The following CEP164 variants were observed in gnomAD, a reference collection of about 807,000 sequenced individuals.
CEP164 encodes the protein centrosomal protein 164, also known as centrosomal protein of 164 kDa.
A neutral mutation model predicts 182.7 loss-of-function variants in CEP164; 162 were observed. That is an observed-to-expected ratio of 0.89 (90% CI 0.78 to 1.01). The LOEUF (loss-of-function observed/expected upper bound fraction) is 1.01, where lower values mean the gene tolerates loss of function less well. CEP164 is among the 50% of genes least tolerant of loss of function. The pLI is 0.00. For synonymous variants in CEP164, 661 were observed against 690.0 expected, an observed-to-expected ratio of 0.96 and a Z score of 0.66; for missense variants, 1,735 against 1,790.4, an observed-to-expected ratio of 0.97 and a Z score of 0.56.
At position 117,390,912 on chromosome 11, in the gene CEP164, A is replaced by G. The variant is rs577854690; in HGVS notation, c.2066+4A>G. 1.3e-5 allele frequency: 21 copies of G among 1,613,836 alleles called. No homozygotes were observed. The South Asian group carries it at 2.3e-4, about 18-fold the overall frequency. On this transcript the variant is annotated splice_donor_region_variant and intron_variant, in intron 16 of 32. Coordinates refer to ENST00000278935, the MANE Select transcript of CEP164 (RefSeq NM_014956.5). ...AAGCAGATGAGGACCAAATCAGGTAAGTGTGTGCTTACCTGTGAGCTGCCC... is the reference window on the plus strand; with the variant it reads ...AAGCAGATGAGGACCAAATCAGGTAGGTGTGTGCTTACCTGTGAGCTGCCC...
At chr11:117,380,562 G>A in intron 11 of CEP164, 52 bp from the exon 12 acceptor site, 1 of 1,465,880 alleles carries the variant, frequency 6.8e-7, no homozygotes, top group Non-Finnish European at 9.4e-7. Flanking sequence ...AGGATGGAGG[G>A]ACCCAAATGC....
chr11:117,408,203 G>A (rs1375094058), intron 28 of CEP164, among the ~76,000 whole-genome samples, 171 bp downstream of exon 28: 3 of 152,202 alleles, frequency 2.0e-5, no homozygotes, highest in Non-Finnish European at 2.9e-5. Flanking sequence ...TCAATTCTGA[G>A]TTTGTTGAAG....
intron 18 of CEP164, 28 bp downstream of exon 18, chr11:117,392,331 C>T (rs1247837180): frequency 6.2e-7 from 1 of 1,600,972 alleles, no homozygotes; most frequent in Admixed American, 1.7e-5. Flanking sequence ...GGGCCCCCTT[C>T]ATGGCTGATT....
chr11:117,390,063 C>T (rs1262026886), intron 15 of CEP164, among the ~76,000 whole-genome samples: 1 of 151,388 alleles, frequency 6.6e-6, no homozygotes, highest in African/African-American at 2.4e-5. Flanking sequence ...CTGTCTCAGC[C>T]TCCCAAGTAG....
chr11:117,352,907 A>G (rs1209175862), intron 5 of CEP164, among the ~76,000 whole-genome samples: 9 of 152,204 alleles, frequency 5.9e-5, no homozygotes, highest in Non-Finnish European at 8.8e-5. Context: ...GGTTATAAGT[A>G]GCTTTTGTAT....
rs72255760 is a variant in CEP164, at chr11:117,363,759, CTTTTTT to C, written c.765+276_765+281del. Reference sequence around the variant, plus strand: ...ATTGTAATACCTAAAACCTCCAATGCTTTTTTTTTTTTTTTTTTTTTTTTTTTTAAG... The same window carrying C: ...ATTGTAATACCTAAAACCTCCAATGCTTTTTTTTTTTTTTTTTTTTTTAAG... On this transcript the variant is annotated intron_variant, in intron 8 of 32. Coordinates refer to ENST00000278935, the MANE Select transcript of CEP164 (RefSeq NM_014956.5). Among the ~76,000 whole-genome samples, 73 of 58,436 alleles carry C rather than the reference CTTTTTT, an allele frequency of 1.2e-3. 1 individual carries two copies. The highest frequency in any genetic ancestry group is 1.7e-3 in the Non-Finnish European group (54 of 32,072). The allele number at this position is 58,436 out of a possible 152,430, so 38.3% of individuals were successfully genotyped here.
chr11:117,409,235 T>C lies in CEP164; in HGVS notation c.3748+207T>C. The C allele has an allele frequency of 1.5e-6, 1 of 668,624 alleles. No individual in the cohort carries two copies. Among genetic ancestry groups the C allele is most frequent in the Non-Finnish European group, 2.5e-6 (1 of 397,548 alleles). The allele number at this position is 668,624 out of a possible 1,614,324, so 41.4% of individuals were successfully genotyped here. On this transcript the variant is annotated intron_variant, in intron 29 of 32. Coordinates refer to ENST00000278935, the MANE Select transcript of CEP164 (RefSeq NM_014956.5). The surrounding 1 kb of genome is among the most constrained non-coding windows in gnomAD (Gnocchi z 4.4). ...GGGCTGAAAGGTCAGGGAAGCCCTC[T>C]GAATGCTGCAGAGCACTCTACGGTG...
chr11:117,395,137 G>A lies in CEP164; in HGVS notation c.2859G>A (p.Arg953=), dbSNP rs376504687. ...ALLEVQEETA[R]REKQQLLDVQ... ...TTCCCTGCAAGGAGGAGACCGCCCG[G>A]AGGGAGAAGCAGCAGCTGCTTGATG... The change falls in exon 23 of 33, where the codon CGG becomes CGA. Residue 953 remains arginine (R), a synonymous_variant. Transcript: ENST00000278935. The A allele has an allele frequency of 1.2e-6, 2 of 1,614,068 alleles. No homozygotes were observed. The highest frequency in any genetic ancestry group is 2.7e-5 in the African/African-American group (2 of 74,936).
At chr11:117,403,500 G>C (rs1202353387) in intron 27 of CEP164, among the ~76,000 whole-genome samples, 2 of 152,210 alleles carry the variant, frequency 1.3e-5, no homozygotes, top group African/African-American at 4.8e-5. Flanking sequence ...CTTCTAGCTT[G>C]TAGGGTTTCT....
intron 5 of CEP164, among the ~76,000 whole-genome samples, chr11:117,354,053 G>A (rs1405677409): frequency 6.9e-6 from 1 of 145,816 alleles, no homozygotes; most frequent in African/African-American, 2.6e-5. Flanking sequence ...ATCTTGCTTT[G>A]TTGCCCAGGC....
intron 15 of CEP164, among the ~76,000 whole-genome samples, chr11:117,388,802 C>G (rs1463905523): frequency 2.0e-5 from 3 of 149,454 alleles, no homozygotes; most frequent in East Asian, 3.9e-4. Context: ...GAGTCTTGCT[C>G]TGTCGCCCAG....
intron 15 of CEP164, among the ~76,000 whole-genome samples, chr11:117,390,149 G>A (rs1038050116): frequency 6.6e-6 from 1 of 151,300 alleles, no homozygotes; most frequent in Non-Finnish European, 1.5e-5. Context: ...CGCCATTATG[G>A]CCAGGCTGGT....
In CEP164 at chr11:117,344,193, G is replaced by A. The variant is rs572063812; in HGVS notation, c.110G>A (p.Gly37Asp). The A allele has an allele frequency of 6.2e-7, 1 of 1,613,242 alleles. No homozygotes were observed. Among genetic ancestry groups the A allele is most frequent in the African/African-American group, 1.3e-5 (1 of 75,014 alleles). The stretch of plus-strand genomic sequence containing the variant: ...ATTCTTGAATTTGCCCGGGAGATTG[G>A]TATTGATCCCATCAAGGAACCAGAA... ...QEILEFAREI[G>D]IDPIKEPELM... Residue 37 changes from glycine to aspartate, a missense_variant, in exon 4 of 33, where the codon GGT (glycine) becomes GAT (aspartate). Physicochemically the swap from Gly to Asp is moderately conservative, Grantham distance 94. Coordinates refer to ENST00000278935, the MANE Select transcript of CEP164 (RefSeq NM_014956.5).
rs554944670 is a variant in CEP164 at position 117,353,420 on chromosome 11, C to T, written c.393+1432C>T. ...ATGTGTTTGAATGGCAAAAGGTGGCCACAGGGCTTTTCATGGACCCAGGAT... is the reference window on the plus strand; with the variant it reads ...ATGTGTTTGAATGGCAAAAGGTGGCTACAGGGCTTTTCATGGACCCAGGAT... On this transcript the variant is annotated intron_variant, in intron 5 of 32. Transcript: ENST00000278935. 9.1e-4 allele frequency among the ~76,000 whole-genome samples: 138 copies of T among 152,244 alleles called. 1 individual carries two copies. Among genetic ancestry groups the T allele is most frequent in the Admixed American group, 8.8e-3 (135 of 15,286 alleles).
chr11:117,364,026 A>G (rs1370730750), intron 8 of CEP164: 1 of 152,202 alleles, frequency 6.6e-6, no homozygotes, highest in East Asian at 1.9e-4. Context: ...TTGGTCTCCC[A>G]AAGTGCTGGA....
Position 117,373,364 on chromosome 11 carries a change from A to C in CEP164, c.1153-387A>C, listed in dbSNP as rs932299769. Among the ~76,000 whole-genome samples the C allele has an allele frequency of 2.8e-5, 4 of 142,272 alleles. No individual in the cohort carries two copies. The South Asian group carries it at 9.0e-4, about 32-fold the overall frequency. The allele number at this position is 142,272 out of a possible 152,430, so 93.3% of individuals were successfully genotyped here. On this transcript the variant is annotated intron_variant, in intron 9 of 32. Coordinates refer to ENST00000278935, the MANE Select transcript of CEP164 (RefSeq NM_014956.5). ...GGGACAGAGCGAGACTCCATCTCGG[A>C]AAAAAAAAAAAAGAGCTTTTATCTA... is the stretch of plus-strand genomic sequence containing the variant.
rs2042447087 is a variant in CEP164, at chr11:117,373,669, G to GT, written c.1153-82_1153-81insT. 3 of 1,251,956 alleles carry GT rather than the reference G, an allele frequency of 2.4e-6. No homozygotes were observed. The Admixed American group carries it at 5.2e-5, about 22-fold the overall frequency. 77.6% of individuals were successfully genotyped at this position (1,251,956 alleles called of 1,614,324 possible). A position where few individuals can be genotyped will look rare whatever the true frequency, so the allele number is the denominator to read the frequency against. ...ACCTGAGCCCTATATTGGCCCCATG[G>GT]CCTGAACAGAATTCCCTGGGTAGGG... On this transcript the variant is annotated intron_variant, in intron 9 of 32. Coordinates refer to ENST00000278935, the MANE Select transcript of CEP164 (RefSeq NM_014956.5).
At chr11:117,360,368 C>T (rs1335834626) in intron 5 of CEP164, among the ~76,000 whole-genome samples, 2 of 152,056 alleles carry the variant, frequency 1.3e-5, no homozygotes, top group African/African-American at 4.8e-5. Context: ...CAGTGTCTCA[C>T]TGTGTTGCCT....
chr11:117,383,893 G>C (rs1373435666), intron 14 of CEP164, among the ~76,000 whole-genome samples: 2 of 152,182 alleles, frequency 1.3e-5, no homozygotes, highest in African/African-American at 4.8e-5. Context: ...AAAATTAGCT[G>C]GGCGTGGTGG....
Sources: allele counts gnomAD v4.1 joint callset (sites outside exome capture counted in the v4.1 genomes callset), GRCh38; gene constraint gnomAD v4.1.1; non-coding constraint Gnocchi (gnomAD v3.1); transcripts MANE v1.5; gene names NCBI Gene and HGNC (gene_info 2026-07-23, HGNC 2026-07-21).